Variants in EFCAB11 observed in about 807,000 individuals in gnomAD.
EFCAB11 encodes EF-hand calcium binding domain 11.
In EFCAB11, 14 loss-of-function variants were observed where a neutral mutation model predicts 23.0. That is an observed-to-expected ratio of 0.61 (90% confidence interval 0.40 to 0.95). The LOEUF is 0.95. Ranked by LOEUF, EFCAB11 falls within the 40% of genes least tolerant of loss-of-function variation. The pLI is 0.00. For missense variants in EFCAB11, 198 were observed against 195.8 expected (o/e 1.01, Z -0.07); for synonymous variants, 65 against 66.6 (o/e 0.98, Z 0.11).
intron 5 of EFCAB11, among the ~76,000 whole-genome samples, chr14:89,822,575 GA>G (rs1289303713): frequency 6.6e-6 from 1 of 152,146 alleles, no homozygotes; most frequent in African/African-American, 2.4e-5. Flanking sequence ...GAGCTGTGCA[GA>G]AAAAAAGCTC....
At chr14:89,892,218 C>T in intron 5 of EFCAB11, 1 of 1,603,976 alleles carries the variant, frequency 6.2e-7, no homozygotes, top group Non-Finnish European at 8.5e-7. Flanking sequence ...GCCCAGGAGG[C>T]CGAGGAGCTA....
chr14:89,811,371 A>T (rs1886145996), intron 5 of EFCAB11, among the ~76,000 whole-genome samples: 1 of 152,118 alleles, frequency 6.6e-6, no homozygotes, highest in Non-Finnish European at 1.5e-5. Context: ...GCTTGATATA[A>T]ATTTTGGAAG....
intron 5 of EFCAB11, among the ~76,000 whole-genome samples, chr14:89,859,380 G>A (rs1356967637): frequency 2.0e-5 from 3 of 152,142 alleles, no homozygotes; most frequent in African/African-American, 7.2e-5. Context: ...AATCAGAATG[G>A]GAATGAAATG....
At chr14:89,834,256 A>T (rs1037504946) in intron 5 of EFCAB11, among the ~76,000 whole-genome samples, 1 of 151,574 alleles carries the variant, frequency 6.6e-6, no homozygotes, top group Non-Finnish European at 1.5e-5. Flanking sequence ...CGTGCCTGTA[A>T]TCCCAGCTAC....
intron 5 of EFCAB11, chr14:89,924,035 A>G: frequency 4.1e-6 from 4 of 985,466 alleles, no homozygotes; most frequent in Non-Finnish European, 4.8e-6. Flanking sequence ...TACCCCTATA[A>G]TGGCTGTGAT....
intron 5 of EFCAB11, among the ~76,000 whole-genome samples, chr14:89,928,668 ATAAT>A (rs923912090): frequency 7.0e-6 from 1 of 143,728 alleles, no homozygotes; most frequent in African/African-American, 2.8e-5. Context: ...AATTATATAT[ATAAT>A]TATGTATGTT....
At chr14:89,831,995 G>A (rs1886901685) in intron 5 of EFCAB11, among the ~76,000 whole-genome samples, 2 of 152,116 alleles carry the variant, frequency 1.3e-5, no homozygotes, top group South Asian at 2.1e-4. Context: ...CAGGCAAGGG[G>A]CAGGCATAAC....
intron 5 of EFCAB11, among the ~76,000 whole-genome samples, chr14:89,925,648 CTTTT>C (rs397758240): frequency 1.5e-5 from 2 of 134,700 alleles, no homozygotes; most frequent in Admixed American, 7.7e-5. Context: ...ATGTTTCTTT[CTTTT>C]TTTTTTTTTT....
intron 3 of EFCAB11, among the ~76,000 whole-genome samples, chr14:89,934,918 G>C (rs1327191185): frequency 6.6e-6 from 1 of 152,122 alleles, no homozygotes; most frequent in African/African-American, 2.4e-5. Context: ...ACGTACCCCA[G>C]TCCACCTCTC....
chr14:89,874,324 C>T (rs1888368535), intron 5 of EFCAB11, among the ~76,000 whole-genome samples: 1 of 152,174 alleles, frequency 6.6e-6, no homozygotes, highest in Non-Finnish European at 1.5e-5. Context: ...ATTTTTTCCT[C>T]CTAGGCCTCT....
chr14:89,936,804 G>A (rs1890601037), intron 3 of EFCAB11, among the ~76,000 whole-genome samples: 1 of 152,132 alleles, frequency 6.6e-6, no homozygotes. Context: ...AATGTAAGCT[G>A]TATACATCTA....
chr14:89,868,495 C>A (rs1347798984), intron 5 of EFCAB11, among the ~76,000 whole-genome samples: 1 of 152,134 alleles, frequency 6.6e-6, no homozygotes, highest in African/African-American at 2.4e-5. Context: ...ATAAAATACT[C>A]CGTAGAATTA....
At chr14:89,887,304 T>C (rs1888819849) in intron 5 of EFCAB11, among the ~76,000 whole-genome samples, 1 of 152,186 alleles carries the variant, frequency 6.6e-6, no homozygotes, top group Non-Finnish European at 1.5e-5. Flanking sequence ...TGATGTGATA[T>C]TTAAACAGGG....
intron 5 of EFCAB11, chr14:89,892,205 T>G: frequency 6.3e-7 from 1 of 1,596,810 alleles, no homozygotes; most frequent in South Asian, 1.1e-5. Flanking sequence ...CCGCTGTGTC[T>G]CAGCCCAGGA....
intron 5 of EFCAB11, among the ~76,000 whole-genome samples, chr14:89,859,707 G>A (rs2140148759): frequency 6.6e-6 from 1 of 152,298 alleles, no homozygotes; most frequent in South Asian, 2.1e-4. Flanking sequence ...GGTAGCCTGA[G>A]GTTAGGAGGG....
In EFCAB11 at chr14:89,918,753, C is replaced by T. The variant is rs545959016; in HGVS notation, c.410+12788G>A. Among the ~76,000 whole-genome samples, 5 of 151,926 alleles carry T rather than the reference C, an allele frequency of 3.3e-5. No homozygotes were observed. In the South Asian group the frequency reaches 8.3e-4, roughly 25 times the overall value. On this transcript the variant is annotated intron_variant, in intron 5 of 5. Transcript: ENST00000316738. Reference sequence around the variant, plus strand: ...CAAGAGATTTGATCTCATATGACAACTCTAATGAGCTGGCTTGGGGTATTG... The same window carrying T: ...CAAGAGATTTGATCTCATATGACAATTCTAATGAGCTGGCTTGGGGTATTG...
chr14:89,949,687 A>G (rs1370486279), intron 3 of EFCAB11, among the ~76,000 whole-genome samples: 1 of 152,110 alleles, frequency 6.6e-6, no homozygotes, highest in African/African-American at 2.4e-5. Flanking sequence ...TTTAATTTTC[A>G]TTTTGTGAGT....
intron 5 of EFCAB11, among the ~76,000 whole-genome samples, chr14:89,927,380 T>G (rs1040478248): frequency 7.2e-5 from 11 of 152,166 alleles, no homozygotes; most frequent in African/African-American, 2.7e-4. Flanking sequence ...TAATTAGAAT[T>G]CTCCCTCTCT....
chr14:89,948,207 T>C (rs1026917395), intron 3 of EFCAB11, among the ~76,000 whole-genome samples: 3 of 152,148 alleles, frequency 2.0e-5, no homozygotes, highest in East Asian at 1.9e-4. Flanking sequence ...AAAGAACACA[T>C]ACAAATGGCA....
Sources: allele counts gnomAD v4.1 joint callset (sites outside exome capture counted in the v4.1 genomes callset), GRCh38; gene constraint gnomAD v4.1.1; transcripts MANE v1.5; gene names NCBI Gene and HGNC (gene_info 2026-07-23, HGNC 2026-07-21).